The following OR8G1 variants were observed in gnomAD, a reference collection of about 807,000 sequenced individuals.
OR8G1 encodes the protein olfactory receptor family 8 subfamily G member 1, also known as olfactory receptor 8G1.
For missense variants in OR8G1, 372 were observed against 356.2 expected (o/e 1.04, Z -0.36); for synonymous variants, 129 against 133.3 (o/e 0.97, Z 0.22).
At chr11:124,245,760 G>T (rs1472821490) in intron 1 of OR8G1, among the ~76,000 whole-genome samples, 2 of 143,156 alleles carry the variant, frequency 1.4e-5, no homozygotes, top group African/African-American at 5.3e-5. Context: ...TTCTCTGATG[G>T]CCAGTGATGG....
chr11:124,243,266 C>A (rs1452726530), intron 1 of OR8G1, among the ~76,000 whole-genome samples: 1 of 151,776 alleles, frequency 6.6e-6, no homozygotes, highest in Non-Finnish European at 1.5e-5. Context: ...CATAATAGAC[C>A]AGGAGCCCTA....
Position 124,241,135 on chromosome 11 carries a change from T to TA in OR8G1, c.-324dup, listed in dbSNP as rs1268391543. 1 of 152,098 alleles carries TA rather than the reference T, an allele frequency of 6.6e-6. No homozygotes were observed. The highest frequency in any genetic ancestry group is 1.5e-5 in the Non-Finnish European group (1 of 68,032). 9.4% of individuals were successfully genotyped at this position (152,098 alleles called of 1,614,324 possible). ...TGGAGAAACAAAAACTGCAAAGTCA[T>TA]AATTAGAAATACTGACCTGTGATGC... On this transcript the variant is annotated 5_prime_UTR_variant, in exon 1 of 3. Coordinates refer to ENST00000641972, the MANE Select transcript of OR8G1 (RefSeq NM_001002905.2).
Position 124,249,655 on chromosome 11 carries a change from T to C in OR8G1, c.-16-5T>C, listed in dbSNP as rs775063655. On this transcript the variant is annotated splice_polypyrimidine_tract_variant and splice_region_variant and intron_variant, in intron 2 of 2. Coordinates refer to ENST00000641972, the MANE Select transcript of OR8G1 (RefSeq NM_001002905.2). ...TTTTTTGTTTTGTTTTTTCTCTTCC[T>C]GCAGAAACTGACTGGAGGAGATGTC... 7.5e-6 allele frequency: 12 copies of C among 1,600,106 alleles called. No homozygotes were observed. Among genetic ancestry groups the C allele is most frequent in the Admixed American group, 5.2e-5 (3 of 57,456 alleles).
rs1399709970 is a variant in OR8G1, at chr11:124,250,610, A to G, written c.935A>G (p.Ter312=). 216 of 394,176 alleles carry G rather than the reference A, an allele frequency of 5.5e-4. 57 individuals are homozygous for G. The highest frequency in any genetic ancestry group is 2.4e-3 in the Admixed American group (41 of 17,034). The allele number at this position is 394,176 out of a possible 1,614,324, so 24.4% of individuals were successfully genotyped here. The part of the protein sequence containing the change: ...KKMLQRRTLL[*] ...ATGCTACAGAGAAGAACATTATTGTAAACAGTAATAATAAGAAGATGATAT... is the reference window on the plus strand; with the variant it reads ...ATGCTACAGAGAAGAACATTATTGTGAACAGTAATAATAAGAAGATGATAT... Residue 312 remains the stop codon, a stop_retained_variant, in exon 3 of 3, where the codon TAA becomes TGA. Transcript: ENST00000641972.
chr11:124,250,644 T>C lies in OR8G1; in HGVS notation c.*33T>C, dbSNP rs1454633664. ...TAATAAGAAGATGATATATTAATCC[T>C]AAGTAGTGGACTGTTACATTGTATG... On this transcript the variant is annotated 3_prime_UTR_variant, in exon 3 of 3. Transcript: ENST00000641972. 3 of 518,182 alleles carry C rather than the reference T, an allele frequency of 5.8e-6. 1 individual carries two copies. Among genetic ancestry groups the C allele is most frequent in the Non-Finnish European group, 9.1e-6 (3 of 327,966 alleles). The allele number at this position is 518,182 out of a possible 1,614,324, so 32.1% of individuals were successfully genotyped here. A position where few individuals can be genotyped will look rare whatever the true frequency, so the allele number is the denominator to read the frequency against.
chr11:124,247,326 AAG>A (rs1353638890), intron 1 of OR8G1, among the ~76,000 whole-genome samples: 12 of 151,828 alleles, frequency 7.9e-5, no homozygotes, highest in Non-Finnish European at 4.4e-5. Flanking sequence ...AATCAGAAAA[AAG>A]AAATCGCTGC....
In OR8G1 at chr11:124,249,779, A is replaced by C; in HGVS notation, c.104A>C (p.Tyr35Ser). 2 of 1,613,888 alleles carry C rather than the reference A, an allele frequency of 1.2e-6. No individual in the cohort carries two copies. Among genetic ancestry groups the C allele is most frequent in the South Asian group, 2.2e-5 (2 of 91,070 alleles). Residue 35 changes from tyrosine (Y) to serine (S), a missense_variant, in exon 3 of 3, where the codon TAT becomes TCT. By Grantham distance (144) the Tyr-to-Ser change is moderately radical. Coordinates refer to ENST00000641972, the MANE Select transcript of OR8G1 (RefSeq NM_001002905.2). ...CTCTTCCTCCTGTTCTTAGGAATCT[A>C]TGTGGTCACAGTGGTGGGCAACCTG... is the stretch of plus-strand genomic sequence containing the variant. The part of the protein sequence containing the change: ...LPLFLLFLGI[Y>S]VVTVVGNLGM...
At chr11:124,245,265 T>C (rs1861800596) in intron 1 of OR8G1, among the ~76,000 whole-genome samples, 1 of 144,060 alleles carries the variant, frequency 6.9e-6, no homozygotes, top group Non-Finnish European at 1.5e-5. Flanking sequence ...ATATGCGGTG[T>C]TTGGTTTTTT....
chr11:124,250,527 G>A lies in OR8G1; in HGVS notation c.852G>A (p.Met284Ile). The A allele has an allele frequency of 1.9e-6, 3 of 1,607,596 alleles. No individual in the cohort carries two copies. The highest frequency in any genetic ancestry group is 1.1e-5 in the South Asian group (1 of 90,416). The change falls in exon 3 of 3, where the codon ATG becomes ATA. Residue 284 changes from methionine to isoleucine, a missense_variant. Coordinates refer to ENST00000641972, the MANE Select transcript of OR8G1 (RefSeq NM_001002905.2). ...SSVFYTIIVP[M>I]LNPLIYSLRN... ...TGTTTTATACTATTATTGTGCCCATGTTGAACCCTCTGATTTATAGCCTGA... is the reference window on the plus strand; with the variant it reads ...TGTTTTATACTATTATTGTGCCCATATTGAACCCTCTGATTTATAGCCTGA...
intron 1 of OR8G1, among the ~76,000 whole-genome samples, chr11:124,241,629 A>G (rs1468889737): frequency 3.9e-5 from 6 of 152,136 alleles, no homozygotes; most frequent in African/African-American, 1.4e-4. Context: ...TGGAGCTTAC[A>G]GTAGGAAGAT....
rs372358512 is a variant in OR8G1, at chr11:124,250,039, C to A, written c.364C>A (p.Arg122Ser). 1 of 1,613,812 alleles carries A rather than the reference C, an allele frequency of 6.2e-7. No individual in the cohort carries two copies. Among genetic ancestry groups the A allele is most frequent in the South Asian group, 1.1e-5 (1 of 91,076 alleles). ...CATGTTGGCTGCAATGGCGTATGAC[C>A]GTTACATGGCCATCTGTAGCCCCTT... The part of the protein sequence containing the change: ...CHMLAAMAYD[R>S]YMAICSPLLY... Residue 122 changes from arginine (R) to serine (S), a missense_variant, in exon 3 of 3, where the codon CGT becomes AGT. Coordinates refer to ENST00000641972, the MANE Select transcript of OR8G1 (RefSeq NM_001002905.2).
intron 1 of OR8G1, among the ~76,000 whole-genome samples, chr11:124,244,184 A>G (rs1861789508): frequency 6.6e-6 from 1 of 151,958 alleles, no homozygotes; most frequent in African/African-American, 2.4e-5. Context: ...CAGGGTGGGA[A>G]GAGCTTCAGA....
At position 124,253,973 on chromosome 11, in the gene OR8G1, TGGCTA is replaced by T. The variant is rs1471365623; in HGVS notation, c.*3363_*3367del. ...TGGACACCTAGGTTAATCTATATCT[TGGCTA>T]TTGTGAATAATGCTACAATAAACAT... is the stretch of plus-strand genomic sequence containing the variant. On this transcript the variant is annotated 3_prime_UTR_variant, in exon 3 of 3. Transcript: ENST00000641972. 2 of 152,208 alleles carry T rather than the reference TGGCTA, an allele frequency of 1.3e-5. No homozygotes were observed. The highest frequency in any genetic ancestry group is 2.9e-5 in the Non-Finnish European group (2 of 68,030). The allele number at this position is 152,208 out of a possible 1,614,324, so 9.4% of individuals were successfully genotyped here.
intron 1 of OR8G1, among the ~76,000 whole-genome samples, chr11:124,243,106 G>A (rs1216955991): frequency 6.6e-6 from 1 of 151,938 alleles, no homozygotes; most frequent in African/African-American, 2.4e-5. Flanking sequence ...GACTAAAAAA[G>A]TAGAGAAAAA....
At chr11:124,249,594 T>C (rs1172235453) in intron 2 of OR8G1, 66 bp from the exon 3 acceptor site, 2 of 1,455,388 alleles carry the variant, frequency 1.4e-6, no homozygotes, top group Non-Finnish European at 1.8e-6. Context: ...CTTTTCTCAA[T>C]GAAGAATAAT....
chr11:124,243,073 TTAAAG>T (rs66495932), intron 1 of OR8G1, among the ~76,000 whole-genome samples: 56,648 of 151,564 alleles, frequency 0.37, 10,725 homozygotes, highest in East Asian at 0.47. Context: ...ATGATTACAA[TTAAAG>T]TAATCAAAAA....
At chr11:124,247,423 G>T (rs1380311438) in intron 1 of OR8G1, among the ~76,000 whole-genome samples, 1 of 151,706 alleles carries the variant, frequency 6.6e-6, no homozygotes, top group African/African-American at 2.4e-5. Context: ...TTGCAAAGTG[G>T]GCAAGCATTT....
chr11:124,254,255 A>G lies in OR8G1; in HGVS notation c.*3644A>G, dbSNP rs1374739579. ...CCTAACAAGTATGAGGTGATATCTC[A>G]CTGTAGTTTCTCTGCAATTTGATGA... is the stretch of plus-strand genomic sequence containing the variant. On this transcript the variant is annotated 3_prime_UTR_variant, in exon 3 of 3. Transcript: ENST00000641972. 1 of 152,122 alleles carries G rather than the reference A, an allele frequency of 6.6e-6. No individual in the cohort carries two copies. Among genetic ancestry groups the G allele is most frequent in the Non-Finnish European group, 1.5e-5 (1 of 68,004 alleles). 9.4% of individuals were successfully genotyped at this position (152,122 alleles called of 1,614,324 possible). A position where few individuals can be genotyped will look rare whatever the true frequency, so the allele number is the denominator to read the frequency against.
At chr11:124,245,430 C>G (rs1861802353) in intron 1 of OR8G1, among the ~76,000 whole-genome samples, 2 of 150,822 alleles carry the variant, frequency 1.3e-5, no homozygotes, top group African/African-American at 4.9e-5. Flanking sequence ...GACATTTGGA[C>G]TGGTTGCAAG....
Sources: gnomAD v4.1 joint callset for allele counts (sites outside exome capture counted in the v4.1 genomes callset) on GRCh38, gnomAD v4.1.1 for gene constraint, MANE v1.5 for transcripts, NCBI Gene and HGNC (gene_info 2026-07-23, HGNC 2026-07-21) for gene names.